The following USP35 variants were observed in gnomAD, a reference collection of about 807,000 sequenced individuals.
USP35 encodes the protein ubiquitin specific peptidase 35, also known as ubiquitin carboxyl-terminal hydrolase 35.
Under a neutral mutation model 83.8 loss-of-function variants are expected in USP35, and 69 were observed. The observed-to-expected ratio is 0.82, with a 90% CI of 0.68 to 1.01. The LOEUF (loss-of-function observed/expected upper bound fraction) is 1.01. USP35 is among the 50% of genes least tolerant of loss of function. The pLI, the probability that USP35 is intolerant of heterozygous loss-of-function variation, is 0.00. For missense variants in USP35, 1,503 were observed against 1,362.5 expected (o/e 1.10, Z -1.62); for synonymous variants, 714 against 589.5 (o/e 1.21, Z -3.06).
At chr11:78,216,526 A>T (rs1430701546), downstream of USP35, 2 of 152,130 alleles carry the variant, frequency 1.3e-5, no homozygotes, top group Non-Finnish European at 2.9e-5. Flanking sequence ...TTCACCTCTC[A>T]TCCTTCCATC....
Position 78,196,236 on chromosome 11 carries a change from C to T in USP35, c.-10C>T. The T allele has an allele frequency of 6.3e-7, 1 of 1,584,666 alleles. No homozygotes were observed. Among genetic ancestry groups the T allele is most frequent in the Non-Finnish European group, 8.5e-7 (1 of 1,172,620 alleles). On this transcript the variant is annotated splice_region_variant and 5_prime_UTR_variant, in exon 2 of 11. Transcript: ENST00000529308. This position sits in a 1 kb window ranked among gnomAD's most constrained non-coding sequence, Gnocchi z 4.8. ...TGACCTCATTCCCTGTCCTCCGCAG[C>T]GCGGGCGCCATGGACAAGATCTTGG... is the stretch of plus-strand genomic sequence containing the variant.
At chr11:78,222,152 A>G in the USP35 span, 1 of 1,614,100 alleles carries the variant, frequency 6.2e-7, no homozygotes, top group Non-Finnish European at 8.5e-7. Flanking sequence ...AGGGGAGTTC[A>G]TCGATGACGG....
At chr11:78,209,034 G>A (rs892090527) in intron 9 of USP35, 71 bp downstream of exon 9, 2 of 1,488,796 alleles carry the variant, frequency 1.3e-6, no homozygotes, top group African/African-American at 2.8e-5. Context: ...GTACCTCTGA[G>A]CTGTGTTGCA....
intron 10 of USP35, 106 bp downstream of exon 10, chr11:78,210,850 C>A: frequency 8.1e-7 from 1 of 1,241,302 alleles, no homozygotes; most frequent in Non-Finnish European, 1.1e-6. Flanking sequence ...TTTGTAAATC[C>A]CATTCATCTG....
At chr11:78,227,300 A>G in the USP35 span, among the ~76,000 whole-genome samples, 13 of 152,222 alleles carry the variant, frequency 8.5e-5, no homozygotes, top group African/African-American at 2.2e-4. Flanking sequence ...ACAAGTATCA[A>G]TAAGCCAGAT....
intron 8 of USP35, 72 bp downstream of exon 8, chr11:78,207,695 T>C: frequency 6.8e-7 from 1 of 1,465,214 alleles, no homozygotes; most frequent in Non-Finnish European, 9.5e-7. Context: ...CACCTTTCCC[T>C]TCCCCAGGAC....
In USP35 at chr11:78,212,029, G is replaced by A. The variant is rs560957453; in HGVS notation, c.2889+1285G>A. 1.2e-4 allele frequency among the ~76,000 whole-genome samples: 19 copies of A among 152,304 alleles called. No individual in the cohort carries two copies. In the South Asian group the frequency reaches 3.5e-3, roughly 28 times the overall value. ...AAATCTTTGCCTATGCCTATGTCCT[G>A]AATGGTATTTCCTAGATTTTCTTCT... On this transcript the variant is annotated intron_variant, in intron 10 of 10. Transcript: ENST00000529308.
At chr11:78,213,099 T>A (rs1863860608) in intron 10 of USP35, among the ~76,000 whole-genome samples, 1 of 152,164 alleles carries the variant, frequency 6.6e-6, no homozygotes, top group East Asian at 1.9e-4. Context: ...AGACCGGGTG[T>A]CACCAACATC....
At chr11:78,219,158 G>A, downstream of USP35, 1 of 1,013,320 alleles carries the variant, frequency 9.9e-7, no homozygotes, top group Non-Finnish European at 1.5e-6. Flanking sequence ...TGAAGGCTGA[G>A]ACTGGCAGAG....
chr11:78,225,941 T>C, the USP35 span, among the ~76,000 whole-genome samples: 2 of 152,246 alleles, frequency 1.3e-5, no homozygotes, highest in Admixed American at 6.5e-5. Context: ...CATGCAGAGT[T>C]GGAATACTCT....
Position 78,198,017 on chromosome 11 carries a change from T to G in USP35, c.755T>G (p.Leu252Arg). The change falls in exon 3 of 11, where the codon CTC becomes CGC. Residue 252 changes from leucine to arginine, a missense_variant. Transcript: ENST00000529308. ...LELMDGVVRN[L>R]SNDDSVTDSQ... The stretch of plus-strand genomic sequence containing the variant: ...CTCATGGATGGTGTTGTCCGGAACC[T>G]CAGCAATGATGACAGTGTGACAGAC... The G allele has an allele frequency of 6.2e-7, 1 of 1,614,216 alleles. No homozygotes were observed. Among genetic ancestry groups the G allele is most frequent in the Non-Finnish European group, 8.5e-7 (1 of 1,180,024 alleles).
the USP35 span, among the ~76,000 whole-genome samples, chr11:78,236,500 A>G: frequency 6.6e-6 from 1 of 152,186 alleles, no homozygotes; most frequent in Non-Finnish European, 1.5e-5. Flanking sequence ...CTCCAGTACA[A>G]TGTTAAATAG....
the USP35 span, chr11:78,226,858 G>C: frequency 6.2e-7 from 1 of 1,614,144 alleles, no homozygotes; most frequent in Non-Finnish European, 8.5e-7. Context: ...TGGGAGGCCA[G>C]GCTGCGGGGG....
chr11:78,224,195 T>C, the USP35 span, among the ~76,000 whole-genome samples: 1 of 152,150 alleles, frequency 6.6e-6, no homozygotes, highest in African/African-American at 2.4e-5. Context: ...TTTTGATAAA[T>C]CTAGAGTATA....
chr11:78,208,827 T>C, intron 8 of USP35, 30 bp from the exon 9 acceptor site: 1 of 1,613,116 alleles, frequency 6.2e-7, no homozygotes, highest in Non-Finnish European at 8.5e-7. Flanking sequence ...CTCCTGCTCC[T>C]GACCATGCCT....
intron 2 of USP35, among the ~76,000 whole-genome samples, chr11:78,197,622 C>T (rs1000736470): frequency 7.9e-5 from 12 of 152,168 alleles, no homozygotes; most frequent in East Asian, 7.7e-4. Flanking sequence ...TATCTCCTTC[C>T]TCCAGTCCAC....
chr11:78,194,221 T>C (rs1159546076), intron 1 of USP35, among the ~76,000 whole-genome samples: 3 of 150,910 alleles, frequency 2.0e-5, no homozygotes, highest in Admixed American at 6.6e-5. Flanking sequence ...CCTTTCCTGG[T>C]GGAGCTCAGC....
Position 78,213,709 on chromosome 11 carries a change from T to G in USP35, c.2953T>G (p.Trp985Gly). 2.0e-6 allele frequency: 3 copies of G among 1,531,804 alleles called. No individual in the cohort carries two copies. The highest frequency in any genetic ancestry group is 8.7e-7 in the Non-Finnish European group (1 of 1,149,716). 94.9% of individuals were successfully genotyped at this position (1,531,804 alleles called of 1,614,324 possible). The change falls in exon 11 of 11, where the codon TGG becomes GGG. Residue 985 changes from tryptophan to glycine, a missense_variant. Trp to Gly is a radical substitution (Grantham distance 184). Coordinates refer to ENST00000529308, the MANE Select transcript of USP35 (RefSeq NM_020798.4). Reference sequence around the variant, plus strand: ...CTCTGCACTCCCCACATCTCCGCACTGGGGGAGGGGCTTTGATGAAGACAA... The same window carrying G: ...CTCTGCACTCCCCACATCTCCGCACGGGGGGAGGGGCTTTGATGAAGACAA... ...YISALPTSPHWGRGFDEDKDE... is the reference protein window; with the variant it reads ...YISALPTSPHGGRGFDEDKDE...
downstream of USP35, chr11:78,216,652 C>A (rs964089659): frequency 1.3e-5 from 2 of 152,196 alleles, no homozygotes; most frequent in Non-Finnish European, 2.9e-5. Flanking sequence ...CTGGGAGATT[C>A]GATTTGAACA....
Sources: gnomAD v4.1 joint callset for allele counts (sites outside exome capture counted in the v4.1 genomes callset) on GRCh38, gnomAD v4.1.1 for gene constraint, Gnocchi (gnomAD v3.1) non-coding constraint, MANE v1.5 for transcripts, NCBI Gene and HGNC (gene_info 2026-07-23, HGNC 2026-07-21) for gene names.